Variants in MAP3K5 observed in about 807,000 individuals in gnomAD.
MAP3K5 encodes ASK-1.
MAP3K5 carries 56 observed loss-of-function variants against 158.7 expected under a neutral mutation model. The observed-to-expected ratio is 0.35, with a 90% CI of 0.28 to 0.44. MAP3K5 has a LOEUF of 0.44. Among genes scored for constraint, MAP3K5 ranks in the 20% least tolerant of loss-of-function variants. MAP3K5 has a pLI of 1.00. For missense variants in MAP3K5, 1,294 were observed against 1,674.8 expected (o/e 0.77, Z 3.97); for synonymous variants, 579 against 601.7 (o/e 0.96, Z 0.55).
intron 8 of MAP3K5, among the ~76,000 whole-genome samples, chr6:136,662,571 C>T (rs912426711): frequency 2.6e-5 from 4 of 151,964 alleles, no homozygotes; most frequent in East Asian, 1.9e-4. Context: ...CTCTCTCTCT[C>T]TTCCTCTCTC....
In MAP3K5 at chr6:136,694,370, T is replaced by C. The variant is rs1307349994; in HGVS notation, c.1083-60A>G. 4 of 1,374,616 alleles carry C rather than the reference T, an allele frequency of 2.9e-6. No individual in the cohort carries two copies. In the African/African-American group the frequency reaches 5.8e-5, roughly 20 times the overall value. The allele number at this position is 1,374,616 out of a possible 1,614,324, so 85.2% of individuals were successfully genotyped here. Reference sequence around the variant, plus strand: ...TACAGAAGCAATATAGATCAATTCTTTTTTAAAAACCCTATTTAACATGTT... The same window carrying C: ...TACAGAAGCAATATAGATCAATTCTCTTTTAAAAACCCTATTTAACATGTT... On this transcript the variant is annotated intron_variant, in intron 6 of 29. Coordinates refer to ENST00000359015, the MANE Select transcript of MAP3K5 (RefSeq NM_005923.4).
chr6:136,595,446 C>T (rs1271742274), intron 21 of MAP3K5, among the ~76,000 whole-genome samples: 1 of 152,132 alleles, frequency 6.6e-6, no homozygotes, highest in Admixed American at 6.5e-5. Context: ...TAGATTGAGT[C>T]CCCTTCTCTA....
At chr6:136,624,268 A>T (rs1303921004) in intron 14 of MAP3K5, among the ~76,000 whole-genome samples, 1 of 152,234 alleles carries the variant, frequency 6.6e-6, no homozygotes, top group Non-Finnish European at 1.5e-5. Flanking sequence ...ATCTATGAAG[A>T]GGGCAATGAT....
At chr6:136,715,890 C>T (rs949869535) in intron 2 of MAP3K5, among the ~76,000 whole-genome samples, 6 of 151,404 alleles carry the variant, frequency 4.0e-5, no homozygotes, top group Admixed American at 6.6e-5. Context: ...ATCAGCTGGG[C>T]GTGGTGGCGG....
chr6:136,592,662 G>A, intron 21 of MAP3K5, 48 bp from the exon 22 acceptor site: 1 of 1,485,352 alleles, frequency 6.7e-7, no homozygotes, highest in Non-Finnish European at 9.4e-7. Flanking sequence ...TTTAAAAAAT[G>A]TACACATACT....
chr6:136,784,130 C>T (rs192210987), intron 1 of MAP3K5, among the ~76,000 whole-genome samples: 4 of 152,268 alleles, frequency 2.6e-5, no homozygotes, highest in Admixed American at 2.0e-4. Context: ...AATGCACAGG[C>T]TTCACCCAGA....
chr6:136,631,537 G>T (rs1583304746), intron 14 of MAP3K5, among the ~76,000 whole-genome samples: 1 of 150,110 alleles, frequency 6.7e-6, no homozygotes. Flanking sequence ...TTTTTAGACA[G>T]GGTCTGGCTC....
intron 1 of MAP3K5, among the ~76,000 whole-genome samples, chr6:136,776,979 G>A (rs1300212537): frequency 1.3e-5 from 2 of 152,106 alleles, no homozygotes; most frequent in Non-Finnish European, 2.9e-5. Flanking sequence ...GTTTTATAAG[G>A]GAAAGAAGAG....
chr6:136,694,216 C>T lies in MAP3K5; in HGVS notation c.1177G>A (p.Val393Ile), dbSNP rs1780506056. Reference protein sequence around the residue: ...GQVASDMYCLVGRIYKDMFLD... With the variant: ...GQVASDMYCLIGRIYKDMFLD... Reference sequence around the variant, plus strand: ...AACATATCTTTGTAGATTCGACCAACTAGGCAATACATATCTGAAGCAACT... The same window carrying T: ...AACATATCTTTGTAGATTCGACCAATTAGGCAATACATATCTGAAGCAACT... The change falls in exon 7 of 30, where the codon GTT becomes ATT. Residue 393 changes from valine (V) to isoleucine (I), a missense_variant. By Grantham distance (29) the Val-to-Ile change is conservative. This residue lies in a region of MAP3K5 where 690 missense variants were observed against 870.5 expected (regional missense o/e 0.79). Coordinates refer to ENST00000359015, the MANE Select transcript of MAP3K5 (RefSeq NM_005923.4). 1 of 1,613,664 alleles carries T rather than the reference C, an allele frequency of 6.2e-7. No individual in the cohort carries two copies. Among genetic ancestry groups the T allele is most frequent in the Admixed American group, 1.7e-5 (1 of 60,002 alleles).
At chr6:136,703,206 C>T (rs1047893711) in intron 3 of MAP3K5, among the ~76,000 whole-genome samples, 2 of 152,252 alleles carry the variant, frequency 1.3e-5, no homozygotes, top group African/African-American at 2.4e-5. Context: ...GCACCTGAAA[C>T]GCAACACCTC....
intron 15 of MAP3K5, among the ~76,000 whole-genome samples, chr6:136,617,510 T>A (rs1221253343): frequency 6.6e-6 from 1 of 152,216 alleles, no homozygotes; most frequent in Non-Finnish European, 1.5e-5. Flanking sequence ...ACTGGATATT[T>A]ACATCTCCTA....
In MAP3K5 at chr6:136,592,222, G is replaced by A. The variant is rs1020957009; in HGVS notation, c.3176C>T (p.Thr1059Met). Residue 1059 changes from threonine (T) to methionine (M), a missense_variant, in exon 23 of 30, where the codon ACG becomes ATG. Thr to Met is a moderately conservative substitution (Grantham distance 81). Around this residue, in one of 5 missense-constraint regions of MAP3K5, gnomAD observed 362 missense variants for 463.2 expected, o/e 0.78. Coordinates refer to ENST00000359015, the MANE Select transcript of MAP3K5 (RefSeq NM_005923.4). Reference sequence around the variant, plus strand: ...TCTCACAATTTTGTCTTGGTCTTCCGTCAGGATCCTGTGAAGGGTAGCTCG... The same window carrying A: ...TCTCACAATTTTGTCTTGGTCTTCCATCAGGATCCTGTGAAGGGTAGCTCG... ...ERRATLHRIL[T>M]EDQDKIVRNL... 9.3e-6 allele frequency: 15 copies of A among 1,608,570 alleles called. No individual in the cohort carries two copies. The highest frequency in any genetic ancestry group is 2.7e-5 in the African/African-American group (2 of 74,606).
chr6:136,738,942 GCACACACACA>G (rs59144448), intron 1 of MAP3K5, among the ~76,000 whole-genome samples: 1 of 149,690 alleles, frequency 6.7e-6, no homozygotes, highest in African/African-American at 2.4e-5. Context: ...ACACACGCGT[GCACACACACA>G]CACACACACA....
intron 1 of MAP3K5, among the ~76,000 whole-genome samples, chr6:136,784,123 G>A (rs1001104417): frequency 2.6e-5 from 4 of 152,132 alleles, no homozygotes; most frequent in African/African-American, 9.7e-5. Context: ...CTTATATAAT[G>A]CACAGGCTTC....
chr6:136,738,621 T>A (rs1448106558), intron 1 of MAP3K5, among the ~76,000 whole-genome samples: 1 of 152,154 alleles, frequency 6.6e-6, no homozygotes, highest in Non-Finnish European at 1.5e-5. Flanking sequence ...GGCAAAGGCA[T>A]TAGCAAAATT....
At chr6:136,692,744 A>G (rs1780440750) in intron 7 of MAP3K5, among the ~76,000 whole-genome samples, 1 of 152,146 alleles carries the variant, frequency 6.6e-6, no homozygotes, top group Non-Finnish European at 1.5e-5. Context: ...GCCTTGTTTA[A>G]GAAATCTTTG....
Position 136,601,049 on chromosome 6 carries a change from A to G in MAP3K5, c.2858-7T>C, listed in dbSNP as rs1413512495. On this transcript the variant is annotated splice_polypyrimidine_tract_variant and splice_region_variant and intron_variant, in intron 20 of 29. Coordinates refer to ENST00000359015, the MANE Select transcript of MAP3K5 (RefSeq NM_005923.4). ...TTTGATCCAGCTGAAAGAGCTGTGG[A>G]AAGAAAAGCAAACAGCCATGAATAA... The G allele has an allele frequency of 6.2e-7, 1 of 1,613,862 alleles. No individual in the cohort carries two copies. Among genetic ancestry groups the G allele is most frequent in the Non-Finnish European group, 8.5e-7 (1 of 1,179,960 alleles).
chr6:136,645,177 C>T (rs1178636189), intron 11 of MAP3K5, among the ~76,000 whole-genome samples: 1 of 152,214 alleles, frequency 6.6e-6, no homozygotes. Flanking sequence ...AAGCAATCCT[C>T]CTGCTCTGGC....
chr6:136,728,453 T>C (rs943010481), intron 1 of MAP3K5, among the ~76,000 whole-genome samples: 2 of 152,174 alleles, frequency 1.3e-5, no homozygotes. Flanking sequence ...GCTAGGAATG[T>C]TGAAATTTTC....
Sources: gnomAD v4.1 joint callset for allele counts (sites outside exome capture counted in the v4.1 genomes callset) on GRCh38, gnomAD v4.1.1 for gene constraint, gnomAD v4.1.1 regional missense constraint, MANE v1.5 for transcripts, NCBI Gene and HGNC (gene_info 2026-07-23, HGNC 2026-07-21) for gene names.